CDKAL1: variants seen among roughly 807,000 people sequenced by gnomAD.
CDKAL1 encodes the protein CDKAL1 threonylcarbamoyladenosine tRNA methylthiotransferase.
Under a neutral mutation model 68.2 loss-of-function variants are expected in CDKAL1, and 32 were observed. That is an observed-to-expected ratio of 0.47 (90% confidence interval 0.35 to 0.63). The LOEUF (loss-of-function observed/expected upper bound fraction) is 0.63. CDKAL1 is among the 30% of genes least tolerant of loss of function. CDKAL1 has a pLI of 0.00. For synonymous variants in CDKAL1, 234 were observed against 244.3 expected, an observed-to-expected ratio of 0.96 and a Z score of 0.39; for missense variants, 606 against 696.7, an observed-to-expected ratio of 0.87 and a Z score of 1.47.
intron 8 of CDKAL1, among the ~76,000 whole-genome samples, chr6:20,832,239 T>G (rs1777748318): frequency 6.6e-6 from 1 of 152,214 alleles, no homozygotes; most frequent in Non-Finnish European, 1.5e-5. Context: ...AAATGATTTA[T>G]AACATAACCA....
At chr6:20,805,964 A>G (rs1035546209) in intron 8 of CDKAL1, among the ~76,000 whole-genome samples, 2 of 152,150 alleles carry the variant, frequency 1.3e-5, no homozygotes, top group Non-Finnish European at 2.9e-5. Flanking sequence ...AAGGCATATG[A>G]TTTCAAATGT....
intron 4 of CDKAL1, among the ~76,000 whole-genome samples, chr6:20,632,717 C>A (rs1016804361): frequency 2.0e-5 from 3 of 152,158 alleles, no homozygotes; most frequent in Non-Finnish European, 2.9e-5. Flanking sequence ...ATTATTCATT[C>A]TCCAATAATA....
intron 12 of CDKAL1, among the ~76,000 whole-genome samples, chr6:21,074,185 T>C (rs997909906): frequency 2.0e-5 from 3 of 152,220 alleles, no homozygotes; most frequent in Admixed American, 1.3e-4. Flanking sequence ...CTCAGAATCA[T>C]GTACCAGAAT....
In CDKAL1 at chr6:20,539,181, G is replaced by A. The variant is rs965618896; in HGVS notation, c.-6+3787G>A. ...ATACTTATCTGGGGGCTGATATTCT[G>A]GCAGAGGAATAGCAATTATGAAGGC... On this transcript the variant is annotated intron_variant, in intron 2 of 15. Coordinates refer to ENST00000274695, the MANE Select transcript of CDKAL1 (RefSeq NM_017774.3). The surrounding 1 kb of genome is among the most constrained non-coding windows in gnomAD (Gnocchi z 4.3). 5.3e-5 allele frequency among the ~76,000 whole-genome samples: 8 copies of A among 152,104 alleles called. No individual in the cohort carries two copies. Among genetic ancestry groups the A allele is most frequent in the African/African-American group, 1.9e-4 (8 of 41,418 alleles).
chr6:20,988,182 A>ATGTGTGTGTGTGTGTGTGTGTG (rs58720900), intron 10 of CDKAL1, among the ~76,000 whole-genome samples: 24 of 137,496 alleles, frequency 1.7e-4, no homozygotes, highest in East Asian at 4.4e-4. Context: ...GAAACATAAT[A>ATGTGTGTGTGTGTGTGTGTGTG]TGTGTGTGTG....
At chr6:20,869,129 C>A (rs909348541) in intron 9 of CDKAL1, among the ~76,000 whole-genome samples, 20 of 152,140 alleles carry the variant, frequency 1.3e-4, no homozygotes, top group Admixed American at 2.6e-4. Context: ...TATCTCATCT[C>A]ATTTTAGTTG....
chr6:20,547,103 C>A (rs376125005), intron 3 of CDKAL1, among the ~76,000 whole-genome samples: 1 of 152,048 alleles, frequency 6.6e-6, no homozygotes, highest in South Asian at 2.1e-4. Flanking sequence ...CAGTGAGCAT[C>A]CTTTGAGTAT....
At chr6:20,781,059 G>A (rs12199265) in intron 7 of CDKAL1, 86 bp from the exon 8 acceptor site, 120,994 of 1,338,088 alleles carry the variant, frequency 0.09, 5,865 homozygotes, top group African/African-American at 0.13. Context: ...CCGAAAAGAA[G>A]TTAAATGAAC....
chr6:20,932,305 A>G (rs1238145048), intron 9 of CDKAL1, among the ~76,000 whole-genome samples: 1 of 152,122 alleles, frequency 6.6e-6, no homozygotes, highest in Non-Finnish European at 1.5e-5. Flanking sequence ...GTGTTTCTCA[A>G]AGTTGGAGTG....
chr6:20,756,907 CCT>C (rs1774226343), intron 6 of CDKAL1: 1 of 66,064 alleles, frequency 1.5e-5, no homozygotes, highest in African/African-American at 4.1e-5. Flanking sequence ...TTCCTTCCTT[CCT>C]TCCTTCCTTC....
At chr6:20,641,664 G>A (rs531996801) in intron 4 of CDKAL1, among the ~76,000 whole-genome samples, 2 of 152,218 alleles carry the variant, frequency 1.3e-5, no homozygotes, top group Admixed American at 1.3e-4. Context: ...GTTACAAATT[G>A]GCACGTAGAG....
chr6:20,937,725 G>A (rs1763788336), intron 9 of CDKAL1, among the ~76,000 whole-genome samples: 1 of 152,100 alleles, frequency 6.6e-6, no homozygotes, highest in African/African-American at 2.4e-5. Flanking sequence ...ATGCATTTTT[G>A]GCAAGAGTAC....
chr6:20,570,446 G>A (rs1221551343), intron 4 of CDKAL1, among the ~76,000 whole-genome samples: 1 of 151,498 alleles, frequency 6.6e-6, no homozygotes, highest in Non-Finnish European at 1.5e-5. Flanking sequence ...TGTCGCCTAG[G>A]CTGGAGTGCA....
chr6:20,676,087 T>C (rs1176465029), intron 5 of CDKAL1, among the ~76,000 whole-genome samples: 1 of 152,182 alleles, frequency 6.6e-6, no homozygotes, highest in African/African-American at 2.4e-5. Flanking sequence ...TAAAATATTT[T>C]TGTACACCTG....
At chr6:21,004,837 C>T (rs1767636550) in intron 11 of CDKAL1, among the ~76,000 whole-genome samples, 1 of 152,124 alleles carries the variant, frequency 6.6e-6, no homozygotes, top group South Asian at 2.1e-4. Flanking sequence ...TGATGTACAC[C>T]TGTAGTCTCA....
At chr6:21,131,384 T>C (rs549765470) in intron 13 of CDKAL1, among the ~76,000 whole-genome samples, 1 of 152,376 alleles carries the variant, frequency 6.6e-6, no homozygotes, top group Admixed American at 6.5e-5. Flanking sequence ...CCATTACATC[T>C]AGTTCTAAAA....
chr6:20,634,869 TG>T (rs549806509), intron 4 of CDKAL1, among the ~76,000 whole-genome samples: 73 of 149,532 alleles, frequency 4.9e-4, no homozygotes, highest in African/African-American at 1.7e-3. Context: ...CCCAGCTACT[TG>T]GGAGGCTGAG....
intron 11 of CDKAL1, among the ~76,000 whole-genome samples, chr6:21,056,005 G>A (rs945442642): frequency 2.6e-5 from 4 of 152,110 alleles, no homozygotes; most frequent in Admixed American, 1.3e-4. Context: ...AAAAGCATTC[G>A]TATTTCTCCA....
At chr6:20,755,775 TG>T (rs569289320) in intron 6 of CDKAL1, among the ~76,000 whole-genome samples, 127 of 152,342 alleles carry the variant, frequency 8.3e-4, no homozygotes, top group Middle Eastern at 3.4e-3. Flanking sequence ...TTGGAGTTAT[TG>T]TTATAAATTC....
Sources: gnomAD v4.1 joint callset for allele counts (sites outside exome capture counted in the v4.1 genomes callset) on GRCh38, gnomAD v4.1.1 for gene constraint, Gnocchi (gnomAD v3.1) non-coding constraint, MANE v1.5 for transcripts, NCBI Gene and HGNC (gene_info 2026-07-23, HGNC 2026-07-21) for gene names.